The following CD109 variants were observed in gnomAD, a reference collection of about 807,000 sequenced individuals.
CD109 encodes the protein CD109 molecule.
Under a neutral mutation model 165.8 loss-of-function variants are expected in CD109, and 149 were observed. The ratio of observed to expected loss-of-function variants is 0.90; its 90% CI spans 0.79 to 1.03. The LOEUF (loss-of-function observed/expected upper bound fraction) is 1.03. Ranked by LOEUF, CD109 falls within the 50% of genes least tolerant of loss-of-function variation. The pLI is 0.00. For missense variants in CD109, 1,712 were observed against 1,677.8 expected (o/e 1.02, Z -0.36); for synonymous variants, 585 against 592.1 (o/e 0.99, Z 0.18).
chr6:73,683,050 C>T, the CD109 span, among the ~76,000 whole-genome samples: 3 of 152,188 alleles, frequency 2.0e-5, no homozygotes. Context: ...GCCCTGGAGA[C>T]ATTTTCCCCA....
rs1057269260 is a variant in CD109, at chr6:73,762,631, C to T, written c.856-110C>T. The T allele has an allele frequency of 2.8e-5, 28 of 988,382 alleles. 1 individual carries two copies. Among genetic ancestry groups the T allele is most frequent in the East Asian group, 1.7e-4 (7 of 40,000 alleles). The allele number at this position is 988,382 out of a possible 1,614,324, so 61.2% of individuals were successfully genotyped here. ...CAAATGAGAATTTATGCAATTATAG[C>T]GATTAAAATGGTACCAGAGCTATCA... On this transcript the variant is annotated intron_variant, in intron 8 of 32. Coordinates refer to ENST00000287097, the MANE Select transcript of CD109 (RefSeq NM_133493.5).
At chr6:73,756,424 C>T (rs915325638) in intron 5 of CD109, among the ~76,000 whole-genome samples, 2 of 152,102 alleles carry the variant, frequency 1.3e-5, no homozygotes, top group Non-Finnish European at 2.9e-5. Context: ...TTTATGCTAA[C>T]GGGTTGGCAA....
chr6:73,766,618 C>A, intron 11 of CD109, 141 bp from the exon 12 acceptor site: 1 of 589,194 alleles, frequency 1.7e-6, no homozygotes, highest in Non-Finnish European at 3.0e-6. Flanking sequence ...GATGAAAATC[C>A]AATGTCTGGT....
At chr6:73,724,681 AT>A (rs1772072281) in intron 3 of CD109, among the ~76,000 whole-genome samples, 1 of 148,250 alleles carries the variant, frequency 6.7e-6, no homozygotes, top group Non-Finnish European at 1.5e-5. Context: ...TGGCACAATC[AT>A]GGCTCACTGC....
chr6:73,730,429 G>A lies in CD109; in HGVS notation c.362G>A (p.Arg121His), dbSNP rs111900767. 363 of 1,613,588 alleles carry A rather than the reference G, an allele frequency of 2.2e-4. 1 individual carries two copies. Among genetic ancestry groups the A allele is most frequent in the Middle Eastern group, 2.1e-3 (13 of 6,062 alleles). ...GAGATTTTATTCTCTAATAGTACCC[G>A]CTTATCATTTGAGACCAAGAGAATA... is the stretch of plus-strand genomic sequence containing the variant. Reference protein sequence around the residue: ...QDEILFSNSTRLSFETKRISV... With the variant: ...QDEILFSNSTHLSFETKRISV... Residue 121 changes from arginine (R) to histidine (H), a missense_variant, in exon 4 of 33, where the codon CGC becomes CAC. Coordinates refer to ENST00000287097, the MANE Select transcript of CD109 (RefSeq NM_133493.5).
chr6:73,697,398 A>C lies in CD109; in HGVS notation c.75-2A>C. The C allele has an allele frequency of 6.2e-7, 1 of 1,613,588 alleles. No individual in the cohort carries two copies. Among genetic ancestry groups the C allele is most frequent in the Non-Finnish European group, 8.5e-7 (1 of 1,179,826 alleles). ...GTTTTTCCCTTGTTGGGAACTCTTT[A>C]GGCCTCGGTTTCTGGTGACAGCCCC... On this transcript the variant is annotated splice_acceptor_variant, in intron 1 of 32. Transcript: ENST00000287097. LOFTEE classifies it high-confidence loss of function.
Position 73,761,949 on chromosome 6 carries a change from A to AT in CD109, c.759-426dup, listed in dbSNP as rs200534962. Among the ~76,000 whole-genome samples, 534 of 150,940 alleles carry AT rather than the reference A, an allele frequency of 3.5e-3. 2 individuals carry two copies. The highest frequency in any genetic ancestry group is 0.012 in the African/African-American group (483 of 41,094). On this transcript the variant is annotated intron_variant, in intron 7 of 32. Coordinates refer to ENST00000287097, the MANE Select transcript of CD109 (RefSeq NM_133493.5). ...TTAGTGTTTTGCCATCCCATAATGTATTTTTTTTTAATTTATTTATTTTGA... is the reference window on the plus strand; with the variant it reads ...TTAGTGTTTTGCCATCCCATAATGTATTTTTTTTTTAATTTATTTATTTTGA...
chr6:73,693,891 CTT>C (rs34239984), upstream of CD109: 3 of 146,220 alleles, frequency 2.1e-5, no homozygotes, highest in Non-Finnish European at 3.0e-5. Context: ...CTTTTCTTTT[CTT>C]TTTTTTTTTG....
chr6:73,719,703 C>A (rs1226453610), intron 2 of CD109, among the ~76,000 whole-genome samples: 2 of 152,158 alleles, frequency 1.3e-5, no homozygotes, highest in East Asian at 3.8e-4. Context: ...TCCCCCAACA[C>A]CCCCGTATTG....
chr6:73,820,857 A>G (rs1038039704), intron 32 of CD109, among the ~76,000 whole-genome samples: 1 of 152,222 alleles, frequency 6.6e-6, no homozygotes, highest in Non-Finnish European at 1.5e-5. Flanking sequence ...ATTGGCATAT[A>G]GAGTCCAGTT....
At chr6:73,781,165 G>A (rs1017440711) in intron 16 of CD109, 94 bp from the exon 17 acceptor site, 1 of 961,056 alleles carries the variant, frequency 1.0e-6, no homozygotes, top group Non-Finnish European at 1.6e-6. Flanking sequence ...TCAAAAATGA[G>A]CACAAGTGAG....
At chr6:73,687,130 T>C in the CD109 span, among the ~76,000 whole-genome samples, 116 of 152,338 alleles carry the variant, frequency 7.6e-4, no homozygotes, top group Non-Finnish European at 1.4e-3. Flanking sequence ...AGTAGTGATA[T>C]GGTGCTATTC....
upstream of CD109, chr6:73,694,512 T>C (rs1469060455): frequency 1.3e-5 from 2 of 152,210 alleles, no homozygotes; most frequent in Non-Finnish European, 2.9e-5. Context: ...TTTGCCTACC[T>C]CTAGAATGAA....
rs1376183010 is a variant in CD109 at position 73,780,301 on chromosome 6, C to T, written c.1828-123C>T. On this transcript the variant is annotated intron_variant, in intron 15 of 32. Coordinates refer to ENST00000287097, the MANE Select transcript of CD109 (RefSeq NM_133493.5). ...ACAAAGCAATTACATATTCATTACT[C>T]CTCAATTTGTGTCATTTTCAAAGTT... The T allele has an allele frequency of 2.8e-5, 21 of 737,404 alleles. No individual in the cohort carries two copies. The South Asian group carries it at 3.2e-4, about 11-fold the overall frequency. The allele number at this position is 737,404 out of a possible 1,614,324, so 45.7% of individuals were successfully genotyped here.
intron 6 of CD109, among the ~76,000 whole-genome samples, chr6:73,757,812 A>G (rs1365337015): frequency 6.6e-6 from 1 of 152,250 alleles, no homozygotes; most frequent in Non-Finnish European, 1.5e-5. Flanking sequence ...TACTTTAAAA[A>G]TTTGACTACT....
At chr6:73,812,310 T>A in intron 29 of CD109, 40 bp downstream of exon 29, 1 of 1,289,946 alleles carries the variant, frequency 7.8e-7, no homozygotes, top group South Asian at 1.3e-5. Context: ...AAATATGACT[T>A]TTTATAATAA....
intron 21 of CD109, among the ~76,000 whole-genome samples, chr6:73,787,904 T>C (rs1582159521): frequency 6.6e-6 from 1 of 152,218 alleles, no homozygotes; most frequent in African/African-American, 2.4e-5. Flanking sequence ...ATCTCAGCTC[T>C]GCCAAGTGTG....
intron 23 of CD109, among the ~76,000 whole-genome samples, chr6:73,797,907 A>G (rs1460129776): frequency 4.6e-5 from 7 of 152,140 alleles, no homozygotes; most frequent in Admixed American, 6.5e-5. Flanking sequence ...TTCTGAGCAT[A>G]TGATTACTTT....
chr6:73,702,624 C>G (rs1448476852), intron 2 of CD109, among the ~76,000 whole-genome samples: 4 of 152,194 alleles, frequency 2.6e-5, no homozygotes, highest in Non-Finnish European at 4.4e-5. Flanking sequence ...ACAGCATAAT[C>G]ACGATGTGCC....
Sources: gnomAD v4.1 joint callset for allele counts (sites outside exome capture counted in the v4.1 genomes callset) on GRCh38, gnomAD v4.1.1 for gene constraint, MANE v1.5 for transcripts, NCBI Gene and HGNC (gene_info 2026-07-23, HGNC 2026-07-21) for gene names.